The following CTNND2 variants were observed in gnomAD, a reference collection of about 807,000 sequenced individuals.
CTNND2 encodes catenin delta-2.
In CTNND2, 22 loss-of-function variants were observed where a neutral mutation model predicts 144.4. The observed-to-expected ratio is 0.15, with a 90% CI of 0.11 to 0.22. The LOEUF is 0.22. CTNND2 is among the 10% of genes least tolerant of loss of function. The pLI, the probability that CTNND2 is intolerant of heterozygous loss-of-function variation, is 1.00. For synonymous variants in CTNND2, 751 were observed against 695.6 expected, an observed-to-expected ratio of 1.08 and a Z score of -1.25; for missense variants, 1,353 against 1,618.8, an observed-to-expected ratio of 0.84 and a Z score of 2.82.
At chr5:11,493,135 C>T (rs1295138687) in intron 3 of CTNND2, among the ~76,000 whole-genome samples, 1 of 152,108 alleles carries the variant, frequency 6.6e-6, no homozygotes, top group East Asian at 1.9e-4. Flanking sequence ...AATCTTTATT[C>T]ATGCAATTAT....
chr5:11,273,196 T>A (rs562621095), intron 9 of CTNND2, among the ~76,000 whole-genome samples: 24 of 152,350 alleles, frequency 1.6e-4, no homozygotes, highest in African/African-American at 5.3e-4. Context: ...ATTTGCCATC[T>A]GGCCCTTCAC....
At chr5:11,257,587 T>C (rs748298398) in intron 9 of CTNND2, among the ~76,000 whole-genome samples, 1 of 152,108 alleles carries the variant, frequency 6.6e-6, no homozygotes, top group Non-Finnish European at 1.5e-5. Context: ...AACTCACTCA[T>C]TATCAATGAG....
At chr5:11,259,839 G>A (rs951819314) in intron 9 of CTNND2, among the ~76,000 whole-genome samples, 14 of 152,188 alleles carry the variant, frequency 9.2e-5, no homozygotes, top group African/African-American at 3.1e-4. Flanking sequence ...AACCCTCAAA[G>A]TCAGCCTGGA....
intron 1 of CTNND2, among the ~76,000 whole-genome samples, chr5:11,836,233 G>C (rs1289727958): frequency 1.3e-5 from 2 of 152,060 alleles, no homozygotes; most frequent in Non-Finnish European, 2.9e-5. Flanking sequence ...AATTTATAAA[G>C]TACAACATAA....
intron 3 of CTNND2, among the ~76,000 whole-genome samples, chr5:11,448,461 G>A (rs1765024332): frequency 6.6e-6 from 1 of 152,062 alleles, no homozygotes; most frequent in Admixed American, 6.5e-5. Context: ...AAGTCTTTCG[G>A]GGAGGTTATA....
intron 1 of CTNND2, among the ~76,000 whole-genome samples, chr5:11,817,981 G>GTTTTT (rs35360011): frequency 9.4e-5 from 3 of 31,876 alleles, no homozygotes; most frequent in African/African-American, 2.5e-4. Context: ...ATTATGAGGT[G>GTTTTT]TTTTTTTTTT....
intron 2 of CTNND2, among the ~76,000 whole-genome samples, chr5:11,667,039 T>C (rs1483394402): frequency 6.6e-6 from 1 of 152,114 alleles, no homozygotes; most frequent in African/African-American, 2.4e-5. Context: ...GTTCTTGTGT[T>C]AGTTTACTGA....
rs144855797 is a variant in CTNND2, at chr5:11,321,034, A to T, written c.1628+25338T>A. 3.3e-5 allele frequency among the ~76,000 whole-genome samples: 5 copies of T among 152,328 alleles called. No homozygotes were observed. The East Asian group carries it at 9.7e-4, about 29-fold the overall frequency. On this transcript the variant is annotated intron_variant, in intron 9 of 21. Transcript: ENST00000304623. ...TCTAAGTTGAAAATGTATGCATATGACCTTTTTTCTCAAATAAATGCAGAG... is the reference window on the plus strand; with the variant it reads ...TCTAAGTTGAAAATGTATGCATATGTCCTTTTTTCTCAAATAAATGCAGAG...
At chr5:11,207,635 T>A (rs1431914252) in intron 10 of CTNND2, among the ~76,000 whole-genome samples, 1 of 152,098 alleles carries the variant, frequency 6.6e-6, no homozygotes, top group Non-Finnish European at 1.5e-5. Context: ...TAAGCAGAGG[T>A]CTCTCCTTAG....
chr5:11,435,115 C>CTATT (rs71595819), intron 3 of CTNND2, among the ~76,000 whole-genome samples: 43,640 of 145,878 alleles, frequency 0.3, 7,226 homozygotes, highest in East Asian at 0.63. Flanking sequence ...TTCTTTTTTA[C>CTATT]TATTTATTTA....
intron 1 of CTNND2, among the ~76,000 whole-genome samples, chr5:11,810,870 A>T (rs4273599): frequency 0.94 from 141,513 of 150,358 alleles, 66,637 homozygotes; most frequent in Non-Finnish European, 1. Context: ...CTATTTTTTT[A>T]AAAAAAAAGA....
intron 11 of CTNND2, among the ~76,000 whole-genome samples, chr5:11,165,885 C>A (rs999739700): frequency 1.3e-5 from 2 of 151,968 alleles, no homozygotes; most frequent in African/African-American, 4.8e-5. Context: ...GTTAAAAAAA[C>A]CCCAGATGAA....
chr5:11,662,263 G>A (rs146103524), intron 2 of CTNND2, among the ~76,000 whole-genome samples: 1,999 of 123,056 alleles, frequency 0.016, 32 homozygotes, highest in East Asian at 0.057. Flanking sequence ...GTGTATATAT[G>A]TGTGTGTGTG....
At chr5:10,974,774 G>A (rs751947448) in intron 21 of CTNND2, among the ~76,000 whole-genome samples, 12 of 152,186 alleles carry the variant, frequency 7.9e-5, no homozygotes, top group Non-Finnish European at 7.3e-5. Flanking sequence ...GCACGGAAAC[G>A]TTCTCTAGAA....
intron 1 of CTNND2, among the ~76,000 whole-genome samples, chr5:11,772,598 T>G (rs996809892): frequency 2.0e-5 from 3 of 152,296 alleles, no homozygotes; most frequent in African/African-American, 7.2e-5. Flanking sequence ...AACTATAGAT[T>G]AAACACATAG....
At chr5:11,777,316 G>A (rs1355527883) in intron 1 of CTNND2, among the ~76,000 whole-genome samples, 1 of 152,156 alleles carries the variant, frequency 6.6e-6, no homozygotes, top group Non-Finnish European at 1.5e-5. Context: ...ATGGCATTTT[G>A]CCCATGACTA....
intron 12 of CTNND2, among the ~76,000 whole-genome samples, chr5:11,138,770 G>A (rs894041287): frequency 3.3e-5 from 5 of 152,152 alleles, no homozygotes; most frequent in African/African-American, 1.2e-4. Context: ...ACCAAGGTTG[G>A]TGTCTTGGCT....
chr5:11,763,468 A>G (rs1789395833), intron 1 of CTNND2, among the ~76,000 whole-genome samples: 1 of 152,184 alleles, frequency 6.6e-6, no homozygotes, highest in South Asian at 2.1e-4. Context: ...CATTCTGCAC[A>G]GGTTATTTGG....
At chr5:11,343,616 T>C (rs893360008) in intron 9 of CTNND2, among the ~76,000 whole-genome samples, 3 of 152,208 alleles carry the variant, frequency 2.0e-5, no homozygotes, top group Non-Finnish European at 2.9e-5. Flanking sequence ...ATGGATTCAA[T>C]ATGTGCTAAC....
Sources: gnomAD v4.1 joint callset for allele counts (sites outside exome capture counted in the v4.1 genomes callset) on GRCh38, gnomAD v4.1.1 for gene constraint, MANE v1.5 for transcripts, NCBI Gene and HGNC (gene_info 2026-07-23, HGNC 2026-07-21) for gene names.